Variants in PLEKHA5 observed in about 807,000 individuals in gnomAD.
The protein encoded by PLEKHA5 is pleckstrin homology domain containing A5, also known as pleckstrin homology domain-containing family A member 5.
In PLEKHA5, 55 loss-of-function variants were observed where a neutral mutation model predicts 181.9. The ratio of observed to expected loss-of-function variants is 0.30; its 90% confidence interval spans 0.24 to 0.38. The LOEUF is 0.38. Among genes scored for constraint, PLEKHA5 ranks in the 10% least tolerant of loss-of-function variants. PLEKHA5 has a pLI of 1.00. For missense variants in PLEKHA5, 1,432 were observed against 1,549.5 expected, an observed-to-expected ratio of 0.92 and a Z score of 1.27; for synonymous variants, 535 against 529.4, an observed-to-expected ratio of 1.01 and a Z score of -0.15.
At chr12:19,363,318 A>C (rs1247857006) in intron 29 of PLEKHA5, among the ~76,000 whole-genome samples, 1 of 150,550 alleles carries the variant, frequency 6.6e-6, no homozygotes, top group African/African-American at 2.4e-5. Context: ...CGCATGGCTA[A>C]TTTTTATTTT....
intron 3 of PLEKHA5, chr12:19,205,474 G>A: frequency 1.7e-6 from 1 of 601,768 alleles, no homozygotes; most frequent in African/African-American, 2.0e-5. Context: ...GTTCTATTTT[G>A]CTCTAATCGG....
intron 3 of PLEKHA5, among the ~76,000 whole-genome samples, chr12:19,224,096 G>A (rs1438976072): frequency 1.3e-5 from 2 of 152,128 alleles, no homozygotes; most frequent in African/African-American, 4.8e-5. Context: ...TAGATTAACT[G>A]TCTTCCTCCA....
chr12:19,257,733 T>C (rs1565529224), intron 6 of PLEKHA5, among the ~76,000 whole-genome samples, 196 bp downstream of exon 6: 1 of 152,116 alleles, frequency 6.6e-6, no homozygotes, highest in East Asian at 1.9e-4. Context: ...TGGACATTAC[T>C]TACAACTGAG....
chr12:19,322,690 C>A lies in PLEKHA5; in HGVS notation c.2448+23C>A, dbSNP rs530214225. On this transcript the variant is annotated intron_variant, in intron 20 of 31. Coordinates refer to ENST00000429027, the MANE Select transcript of PLEKHA5 (RefSeq NM_001256470.2). ...GCCGTAAGTAGATTTTTTTTTTCCC[C>A]TAATAAAAGTAGCTTAAATATGTAG... 31 of 1,576,144 alleles carry A rather than the reference C, an allele frequency of 2.0e-5. No homozygotes were observed. In the South Asian group the frequency reaches 3.6e-4, roughly 18 times the overall value.
chr12:19,355,155 A>T (rs1030030626), intron 26 of PLEKHA5, among the ~76,000 whole-genome samples: 18 of 152,170 alleles, frequency 1.2e-4, no homozygotes, highest in African/African-American at 3.9e-4. Flanking sequence ...TTCAAACTCC[A>T]AACCAGTCGA....
intron 3 of PLEKHA5, among the ~76,000 whole-genome samples, chr12:19,163,437 A>C (rs982259465): frequency 1.4e-4 from 22 of 152,094 alleles, no homozygotes; most frequent in African/African-American, 5.3e-4. Flanking sequence ...TCGGCCTACC[A>C]AAGTGCTGGG....
At chr12:19,327,247 G>GGT in intron 20 of PLEKHA5, among the ~76,000 whole-genome samples, 1 of 138,550 alleles carries the variant, frequency 7.2e-6, no homozygotes, top group East Asian at 2.2e-4. Context: ...ATCTGTTTTT[G>GGT]TTTTTTTTTT....
intron 16 of PLEKHA5, chr12:19,319,779 A>G (rs1179130604): frequency 3.1e-6 from 1 of 322,464 alleles, no homozygotes; most frequent in Non-Finnish European, 5.6e-6. Flanking sequence ...GCTAAGCACA[A>G]TCAGAAGTAA....
intron 20 of PLEKHA5, among the ~76,000 whole-genome samples, chr12:19,334,526 C>T (rs971477068): frequency 6.6e-6 from 1 of 152,064 alleles, no homozygotes; most frequent in African/African-American, 2.4e-5. Context: ...CCTGTAATAC[C>T]CTCTTAGCCA....
intron 15 of PLEKHA5, among the ~76,000 whole-genome samples, chr12:19,311,451 A>T (rs749797714): frequency 6.1e-5 from 8 of 131,544 alleles, no homozygotes; most frequent in Admixed American, 3.0e-4. Context: ...TCGAAAAATT[A>T]AAAAAAAAAA....
chr12:19,205,434 A>T, intron 3 of PLEKHA5: 1 of 960,528 alleles, frequency 1.0e-6, no homozygotes, highest in Non-Finnish European at 1.2e-6. Context: ...TTTTAGCAAA[A>T]GGCTATTTGG....
At position 19,359,549 on chromosome 12, in the gene PLEKHA5, A is replaced by G; in HGVS notation, c.3483+3A>G. 6.2e-7 allele frequency: 1 copy of G among 1,613,276 alleles called. No homozygotes were observed. On this transcript the variant is annotated splice_donor_region_variant and intron_variant, in intron 28 of 31. Coordinates refer to ENST00000429027, the MANE Select transcript of PLEKHA5 (RefSeq NM_001256470.2). ...AAAATGTGGACTTCAGCAAAGAGGTAGCGAGATTATTTTATGAAAGGTATT... is the reference window on the plus strand; with the variant it reads ...AAAATGTGGACTTCAGCAAAGAGGTGGCGAGATTATTTTATGAAAGGTATT...
intron 3 of PLEKHA5, among the ~76,000 whole-genome samples, 155 bp from the exon 4 acceptor site, chr12:19,253,785 A>G (rs1433141300): frequency 6.6e-6 from 1 of 152,046 alleles, no homozygotes; most frequent in Admixed American, 6.6e-5. Flanking sequence ...GCGCCATTGC[A>G]CTCCAACCTG....
intron 3 of PLEKHA5, among the ~76,000 whole-genome samples, chr12:19,188,901 T>G (rs371026191): frequency 6.6e-6 from 1 of 152,250 alleles, no homozygotes; most frequent in East Asian, 1.9e-4. Context: ...CAATGTTTAC[T>G]GAGCTTTTAT....
At chr12:19,254,856 GT>G (rs1182961171) in intron 4 of PLEKHA5, among the ~76,000 whole-genome samples, 188 bp from the exon 5 acceptor site, 2 of 152,098 alleles carry the variant, frequency 1.3e-5, no homozygotes, top group African/African-American at 4.8e-5. Context: ...TGATAATAAT[GT>G]ATTTTTGGCT....
At chr12:19,290,528 G>T (rs2078192182) in intron 13 of PLEKHA5, 149 bp from the exon 14 acceptor site, 1 of 552,456 alleles carries the variant, frequency 1.8e-6, no homozygotes, top group Non-Finnish European at 3.1e-6. Flanking sequence ...ATGCATTTAT[G>T]TAGGACCTAT....
intron 3 of PLEKHA5, among the ~76,000 whole-genome samples, chr12:19,246,306 A>G (rs1240850322): frequency 6.6e-6 from 1 of 151,576 alleles, no homozygotes; most frequent in African/African-American, 2.4e-5. Flanking sequence ...ATGTAACATT[A>G]CTTGAATTTT....
chr12:19,218,748 A>G (rs554363995), intron 3 of PLEKHA5, among the ~76,000 whole-genome samples: 22 of 152,156 alleles, frequency 1.4e-4, no homozygotes, highest in African/African-American at 5.1e-4. Flanking sequence ...TTGCCTGGAT[A>G]GCTTTGAATT....
At chr12:19,140,413 A>G (rs1042992865) in intron 3 of PLEKHA5, among the ~76,000 whole-genome samples, 1 of 152,198 alleles carries the variant, frequency 6.6e-6, no homozygotes, top group African/African-American at 2.4e-5. Flanking sequence ...AGAGGTCCTC[A>G]TGAGGTACAG....
Sources: gnomAD v4.1 joint callset for allele counts (sites outside exome capture counted in the v4.1 genomes callset) on GRCh38, gnomAD v4.1.1 for gene constraint, MANE v1.5 for transcripts, NCBI Gene and HGNC (gene_info 2026-07-23, HGNC 2026-07-21) for gene names.